The following ITPR2 variants were observed in gnomAD, a reference collection of about 807,000 sequenced individuals.
ITPR2 encodes inositol 1,4,5-trisphosphate receptor type 2.
Under a neutral mutation model 317.1 loss-of-function variants are expected in ITPR2, and 207 were observed. That is an observed-to-expected ratio of 0.65 (90% CI 0.58 to 0.73). The LOEUF (loss-of-function observed/expected upper bound fraction) is 0.73, where lower values mean the gene tolerates loss of function less well. Among genes scored for constraint, ITPR2 ranks in the 30% least tolerant of loss-of-function variants. The pLI is 0.00. For missense variants in ITPR2, 2,613 were observed against 3,284.0 expected (o/e 0.80, Z 4.99); for synonymous variants, 1,156 against 1,149.1 (o/e 1.01, Z -0.12).
intron 1 of ITPR2, among the ~76,000 whole-genome samples, chr12:26,812,623 GTACAGCT>G (rs912040274): frequency 3.5e-4 from 53 of 152,298 alleles, no homozygotes; most frequent in African/African-American, 1.2e-3. Flanking sequence ...AGCTGTACCA[GTACAGCT>G]TACAGCTTAC....
At chr12:26,687,671 G>C (rs1353276947) in intron 10 of ITPR2, among the ~76,000 whole-genome samples, 1 of 152,066 alleles carries the variant, frequency 6.6e-6, no homozygotes, top group Non-Finnish European at 1.5e-5. Flanking sequence ...TTGCTTTTTG[G>C]CCTCTTCTGT....
chr12:26,704,969 T>G (rs1948523586), intron 9 of ITPR2, among the ~76,000 whole-genome samples: 1 of 152,202 alleles, frequency 6.6e-6, no homozygotes, highest in African/African-American at 2.4e-5. Context: ...AGTAATATTT[T>G]AAATTATAAA....
chr12:26,395,904 G>C (rs1939983282), intron 54 of ITPR2, among the ~76,000 whole-genome samples: 1 of 152,180 alleles, frequency 6.6e-6, no homozygotes, highest in Admixed American at 6.5e-5. Flanking sequence ...TTCCATGTTT[G>C]TAAAGGAGTG....
At chr12:26,768,922 C>T (rs751493314) in intron 2 of ITPR2, among the ~76,000 whole-genome samples, 3 of 151,540 alleles carry the variant, frequency 2.0e-5, no homozygotes, top group Non-Finnish European at 4.4e-5. Flanking sequence ...TCTAGATAAG[C>T]ATGTTATCCT....
intron 55 of ITPR2, among the ~76,000 whole-genome samples, chr12:26,362,748 G>C (rs1031202955): frequency 6.6e-6 from 1 of 151,998 alleles, no homozygotes; most frequent in Non-Finnish European, 1.5e-5. Flanking sequence ...AACCATTATC[G>C]AGTTACCCAA....
chr12:26,509,598 G>A (rs777119331), intron 37 of ITPR2, among the ~76,000 whole-genome samples: 14 of 152,176 alleles, frequency 9.2e-5, no homozygotes, highest in Admixed American at 2.0e-4. Context: ...AGAATGGCAC[G>A]TTTTGAATGT....
Position 26,475,388 on chromosome 12 carries a change from C to T in ITPR2, c.6250G>A (p.Gly2084Arg). 1 of 1,613,602 alleles carries T rather than the reference C, an allele frequency of 6.2e-7. No homozygotes were observed. The highest frequency in any genetic ancestry group is 8.5e-7 in the Non-Finnish European group (1 of 1,179,746). Residue 2084 changes from glycine to arginine, a missense_variant, in exon 45 of 57, where the codon GGA (glycine) becomes AGA (arginine). Coordinates refer to ENST00000381340, the MANE Select transcript of ITPR2 (RefSeq NM_002223.4). Reference sequence around the variant, plus strand: ...TCATCCCCATGGTCACATTCCAATCCTTGGTTATAGGCATTCTTCATCACA... The same window carrying T: ...TCATCCCCATGGTCACATTCCAATCTTTGGTTATAGGCATTCTTCATCACA... The part of the protein sequence containing the change: ...VDVMKNAYNQ[G>R]LECDHGDDEG...
chr12:26,706,560 A>G (rs1353726978), intron 9 of ITPR2, among the ~76,000 whole-genome samples: 1 of 152,126 alleles, frequency 6.6e-6, no homozygotes, highest in African/African-American at 2.4e-5. Flanking sequence ...TTACTCATTC[A>G]TTAAGCAGCA....
At chr12:26,696,040 T>C (rs1015503216) in intron 9 of ITPR2, among the ~76,000 whole-genome samples, 39 of 152,140 alleles carry the variant, frequency 2.6e-4, no homozygotes, top group Admixed American at 3.9e-4. Flanking sequence ...TTTGAGATCA[T>C]GTTTTACATG....
At chr12:26,587,050 G>A (rs966483244) in intron 32 of ITPR2, among the ~76,000 whole-genome samples, 9 of 151,386 alleles carry the variant, frequency 5.9e-5, no homozygotes, top group African/African-American at 2.2e-4. Context: ...GTCTATTTCT[G>A]GCTATTCATT....
intron 37 of ITPR2, among the ~76,000 whole-genome samples, chr12:26,523,802 A>G (rs553695038): frequency 5.9e-5 from 9 of 152,350 alleles, no homozygotes; most frequent in African/African-American, 2.2e-4. Flanking sequence ...CGTTCAAAGC[A>G]ATCTAATTGA....
At chr12:26,383,466 T>TTTG (rs1939572152) in intron 55 of ITPR2, among the ~76,000 whole-genome samples, 4 of 151,348 alleles carry the variant, frequency 2.6e-5, no homozygotes, top group South Asian at 4.2e-4. Context: ...TTCTATGTTT[T>TTTG]TTTGTTTGTT....
intron 54 of ITPR2, among the ~76,000 whole-genome samples, chr12:26,388,236 A>C (rs116532462): frequency 0.02 from 2,985 of 152,272 alleles, 96 homozygotes; most frequent in African/African-American, 0.067. Context: ...CTAGATAATA[A>C]AATTCTTTTC....
At position 26,744,652 on chromosome 12, in the gene ITPR2, T is replaced by C. The variant is rs1002414967; in HGVS notation, c.164-18887A>G. Among the ~76,000 whole-genome samples the C allele has an allele frequency of 3.9e-5, 6 of 152,228 alleles. No individual in the cohort carries two copies. The East Asian group carries it at 7.7e-4, about 19-fold the overall frequency. On this transcript the variant is annotated intron_variant, in intron 2 of 56. Transcript: ENST00000381340. ...CATTAGTTATATTAATTCCTGAATATGGAATGAAATCCCATAACCTTTGGT... is the reference window on the plus strand; with the variant it reads ...CATTAGTTATATTAATTCCTGAATACGGAATGAAATCCCATAACCTTTGGT...
Position 26,486,332 on chromosome 12 carries a change from C to T in ITPR2, c.5583G>A (p.Glu1861=). ...RVRDSTLHLK[E]GMKGQLTEAS... ...CTTCTGTTAATTGCCCTTTCATTCCCTCTTTTAAATGTAGTGTTGAATCTC... is the reference window on the plus strand; with the variant it reads ...CTTCTGTTAATTGCCCTTTCATTCCTTCTTTTAAATGTAGTGTTGAATCTC... Residue 1861 remains glutamate (E), a synonymous_variant, in exon 41 of 57, where the codon GAG becomes GAA. Transcript: ENST00000381340. 3.1e-6 allele frequency: 5 copies of T among 1,612,772 alleles called. No homozygotes were observed. The East Asian group carries it at 1.1e-4, about 36-fold the overall frequency.
intron 45 of ITPR2, among the ~76,000 whole-genome samples, chr12:26,454,549 T>C (rs950805853): frequency 2.6e-5 from 4 of 152,046 alleles, no homozygotes; most frequent in African/African-American, 9.7e-5. Flanking sequence ...ACAAGAAAAA[T>C]GGGAATGATA....
At chr12:26,605,939 A>C (rs1027326337) in intron 26 of ITPR2, among the ~76,000 whole-genome samples, 1 of 152,212 alleles carries the variant, frequency 6.6e-6, no homozygotes, top group Non-Finnish European at 1.5e-5. Flanking sequence ...ATATAACTAC[A>C]ATTAGGTTTT....
intron 45 of ITPR2, among the ~76,000 whole-genome samples, chr12:26,469,837 T>G (rs557862276): frequency 2.5e-4 from 38 of 152,344 alleles, no homozygotes; most frequent in Admixed American, 5.2e-4. Flanking sequence ...CTGCTGAGTT[T>G]TCTTTGGCCT....
At chr12:26,415,717 A>G (rs1313299246) in intron 50 of ITPR2, among the ~76,000 whole-genome samples, 1 of 152,218 alleles carries the variant, frequency 6.6e-6, no homozygotes, top group Non-Finnish European at 1.5e-5. Flanking sequence ...ACAACATATA[A>G]TGTGCATCTG....
Sources: allele counts gnomAD v4.1 joint callset (sites outside exome capture counted in the v4.1 genomes callset), GRCh38; gene constraint gnomAD v4.1.1; transcripts MANE v1.5; gene names NCBI Gene and HGNC (gene_info 2026-07-23, HGNC 2026-07-21).